The following ABHD16A variants were observed in gnomAD, a reference collection of about 807,000 sequenced individuals.
ABHD16A encodes phosphatidylserine lipase ABHD16A.
Under a neutral mutation model 89.8 loss-of-function variants are expected in ABHD16A, and 47 were observed. That is an observed-to-expected ratio of 0.52 (90% CI 0.41 to 0.67). ABHD16A has a LOEUF of 0.67. Among genes scored for constraint, ABHD16A ranks in the 30% least tolerant of loss-of-function variants. The pLI, the probability that ABHD16A is intolerant of heterozygous loss-of-function variation, is 0.00. For synonymous variants in ABHD16A, 251 were observed against 280.4 expected (o/e 0.90, Z 1.05); for missense variants, 580 against 734.6 (o/e 0.79, Z 2.43).
intron 5 of ABHD16A, among the ~76,000 whole-genome samples, 161 bp downstream of exon 5, chr6:31,696,787 G>A (rs1393203865): frequency 2.0e-5 from 3 of 152,212 alleles, no homozygotes; most frequent in African/African-American, 7.2e-5. Context: ...GTTCACTAAT[G>A]GAGGTGAGAA....
intron 4 of ABHD16A, 65 bp downstream of exon 4, chr6:31,700,877 G>C: frequency 2.9e-6 from 4 of 1,376,284 alleles, no homozygotes; most frequent in Non-Finnish European, 4.1e-6. Context: ...ATTTGCACAA[G>C]GTACTTAATT....
At chr6:31,689,448 G>T in intron 12 of ABHD16A, 133 bp downstream of exon 12, 1 of 1,295,464 alleles carries the variant, frequency 7.7e-7, no homozygotes. Flanking sequence ...GCTTCTTCCA[G>T]GCCCACTCAG....
chr6:31,690,139 G>C lies in ABHD16A; in HGVS notation c.908-12C>G, dbSNP rs201478181. The C allele has an allele frequency of 9.9e-5, 157 of 1,585,952 alleles. No individual in the cohort carries two copies. The highest frequency in any genetic ancestry group is 1.2e-4 in the Non-Finnish European group (145 of 1,166,454). ...GACTGAATATCCAGCTGTAACACAG[G>C]GGGAGGAGGGACTGAGACCTTGTGG... On this transcript the variant is annotated splice_polypyrimidine_tract_variant and intron_variant, in intron 10 of 19. Transcript: ENST00000395952. This position sits in a 1 kb window ranked among gnomAD's most constrained non-coding sequence, Gnocchi z 4.1.
At position 31,688,704 on chromosome 6, in the gene ABHD16A, G is replaced by T; in HGVS notation, c.1250+19C>A. On this transcript the variant is annotated intron_variant, in intron 14 of 19. Transcript: ENST00000395952. This position sits in a 1 kb window ranked among gnomAD's most constrained non-coding sequence, Gnocchi z 4.9. The stretch of plus-strand genomic sequence containing the variant: ...TATGGGGGGCAGGTGTTCAATGCCG[G>T]ACGCTGGCCGGCCCTCACCTGCACA... 6.2e-7 allele frequency: 1 copy of T among 1,612,682 alleles called. No individual in the cohort carries two copies. The highest frequency in any genetic ancestry group is 1.3e-5 in the African/African-American group (1 of 75,052).
In ABHD16A at chr6:31,687,925, T is replaced by A; in HGVS notation, c.1371-25A>T. On this transcript the variant is annotated intron_variant, in intron 16 of 19. Coordinates refer to ENST00000395952, the MANE Select transcript of ABHD16A (RefSeq NM_021160.3). This position sits in a 1 kb window ranked among gnomAD's most constrained non-coding sequence, Gnocchi z 6.3. Reference sequence around the variant, plus strand: ...CCTACGGAGGAAGTGCCAGGACAGGTCAGGGCTGATTTTTTTTCATTCACC... The same window carrying A: ...CCTACGGAGGAAGTGCCAGGACAGGACAGGGCTGATTTTTTTTCATTCACC... 1 of 1,612,642 alleles carries A rather than the reference T, an allele frequency of 6.2e-7. No homozygotes were observed. The highest frequency in any genetic ancestry group is 8.5e-7 in the Non-Finnish European group (1 of 1,179,988).
At position 31,693,482 on chromosome 6, in the gene ABHD16A, C is replaced by G. The variant is rs760492082; in HGVS notation, c.430-50G>C. The G allele has an allele frequency of 1.3e-6, 2 of 1,566,912 alleles. No homozygotes were observed. Among genetic ancestry groups the G allele is most frequent in the Non-Finnish European group, 1.8e-6 (2 of 1,141,042 alleles). The stretch of plus-strand genomic sequence containing the variant: ...GGGTACTGAGAACTCAGGGGAGGCT[C>G]TCCTACCCACCCTCAACAACACCTT... On this transcript the variant is annotated intron_variant, in intron 5 of 19. Transcript: ENST00000395952. The surrounding 1 kb of genome is among the most constrained non-coding windows in gnomAD (Gnocchi z 5.0).
chr6:31,695,526 C>A (rs948585499), intron 5 of ABHD16A, among the ~76,000 whole-genome samples: 5 of 150,992 alleles, frequency 3.3e-5, no homozygotes, highest in African/African-American at 4.9e-5. Context: ...GAGTTTGAGA[C>A]CAGCCTGACC....
chr6:31,687,556 A>C lies in ABHD16A; in HGVS notation c.1547-12T>G. On this transcript the variant is annotated splice_polypyrimidine_tract_variant and intron_variant, in intron 18 of 19. Coordinates refer to ENST00000395952, the MANE Select transcript of ABHD16A (RefSeq NM_021160.3). This position sits in a 1 kb window ranked among gnomAD's most constrained non-coding sequence, Gnocchi z 6.3. ...ACTCATGTCCTCCCCTGCAGAGAGG[A>C]GGCGCTCAAAATAGGCCACACATCT... 6.2e-7 allele frequency: 1 copy of C among 1,612,956 alleles called. No individual in the cohort carries two copies. The highest frequency in any genetic ancestry group is 1.1e-5 in the South Asian group (1 of 91,072).
At position 31,690,796 on chromosome 6, in the gene ABHD16A, C is replaced by T. The variant is rs545895707; in HGVS notation, c.844-194G>A. Among the ~76,000 whole-genome samples the T allele has an allele frequency of 2.6e-5, 4 of 152,290 alleles. No homozygotes were observed. Among genetic ancestry groups the T allele is most frequent in the Admixed American group, 2.6e-4 (4 of 15,300 alleles). ...AGAAGCAAAGGGATTACAAATACTC[C>T]TCAGAGGCTGACCTGCTCGACCACC... On this transcript the variant is annotated intron_variant, in intron 9 of 19. Coordinates refer to ENST00000395952, the MANE Select transcript of ABHD16A (RefSeq NM_021160.3). The surrounding 1 kb of genome is among the most constrained non-coding windows in gnomAD (Gnocchi z 4.1).
chr6:31,694,043 G>A (rs1277233975), intron 5 of ABHD16A, among the ~76,000 whole-genome samples: 1 of 149,790 alleles, frequency 6.7e-6, no homozygotes, highest in African/African-American at 2.5e-5. Flanking sequence ...ACCCCACTGA[G>A]CCAGTCCACA....
chr6:31,696,338 A>G (rs1224620289), intron 5 of ABHD16A, among the ~76,000 whole-genome samples: 16 of 151,164 alleles, frequency 1.1e-4, no homozygotes, highest in Non-Finnish European at 1.8e-4. Flanking sequence ...CAAAGAAGAA[A>G]AAAAAAAAAA....
chr6:31,694,345 C>T (rs1485658450), intron 5 of ABHD16A, among the ~76,000 whole-genome samples: 1 of 151,472 alleles, frequency 6.6e-6, no homozygotes, highest in Admixed American at 6.6e-5. Flanking sequence ...GCATGAACCA[C>T]CTCACCAGCT....
In ABHD16A at chr6:31,690,344, A is replaced by ATAAT. The variant is rs1237086320; in HGVS notation, c.907+191_907+194dup. ...GGGGGAATGGAACAGAATGAAAAGCATAATAGCTAGGGACACAGGCCAGGG... is the reference window on the plus strand; with the variant it reads ...GGGGGAATGGAACAGAATGAAAAGCATAATTAATAGCTAGGGACACAGGCCAGGG... On this transcript the variant is annotated intron_variant, in intron 10 of 19. Transcript: ENST00000395952. The surrounding 1 kb of genome is among the most constrained non-coding windows in gnomAD (Gnocchi z 4.1). The ATAAT allele has an allele frequency of 1.4e-6, 1 of 694,518 alleles. No homozygotes were observed. The highest frequency in any genetic ancestry group is 1.8e-5 in the African/African-American group (1 of 55,650). 43.0% of individuals were successfully genotyped at this position (694,518 alleles called of 1,614,324 possible). A position where few individuals can be genotyped will look rare whatever the true frequency, so the allele number is the denominator to read the frequency against.
chr6:31,700,028 A>G (rs1208346045), intron 4 of ABHD16A, among the ~76,000 whole-genome samples: 1 of 152,158 alleles, frequency 6.6e-6, no homozygotes, highest in African/African-American at 2.4e-5. Flanking sequence ...GATTACAGGC[A>G]TGAGCCACTG....
At chr6:31,695,365 T>C (rs1310507589) in intron 5 of ABHD16A, among the ~76,000 whole-genome samples, 1 of 152,210 alleles carries the variant, frequency 6.6e-6, no homozygotes, top group Non-Finnish European at 1.5e-5. Flanking sequence ...TGGTATTCAA[T>C]GCATACAACA....
Position 31,687,720 on chromosome 6 carries a change from C to T in ABHD16A, c.1468G>A (p.Glu490Lys). ...GACAGACACCAGTCCTCTTCCACCT[C>T]CCATCGGCTATAAATTGAGGCTGGT... The part of the protein sequence containing the change: ...LEEASIYSRW[E>K]VEEDWCLSVL... The change falls in exon 18 of 20, where the codon GAG becomes AAG. Residue 490 changes from glutamate to lysine, a missense_variant. By Grantham distance (56) the Glu-to-Lys change is moderately conservative. This residue lies in a region of ABHD16A where 415 missense variants were observed against 568.8 expected (regional missense o/e 0.73). Transcript: ENST00000395952. This position sits in a 1 kb window ranked among gnomAD's most constrained non-coding sequence, Gnocchi z 6.3. The T allele has an allele frequency of 6.2e-7, 1 of 1,612,872 alleles. No homozygotes were observed. Among genetic ancestry groups the T allele is most frequent in the Non-Finnish European group, 8.5e-7 (1 of 1,179,908 alleles).
At chr6:31,689,155 G>A (rs554220316) in intron 12 of ABHD16A, 36 bp from the exon 13 acceptor site, 1 of 1,582,364 alleles carries the variant, frequency 6.3e-7, no homozygotes, top group Admixed American at 1.7e-5. Flanking sequence ...TAAGAACTGA[G>A]AAAGGCTCCT....
At position 31,687,863 on chromosome 6, in the gene ABHD16A, C is replaced by A; in HGVS notation, c.1408G>T (p.Val470Leu). The change falls in exon 17 of 20, where the codon GTG (valine) becomes TTG (leucine). Residue 470 changes from valine to leucine, a missense_variant. Around this residue, in one of 2 missense-constraint regions of ABHD16A, gnomAD observed 415 missense variants for 568.8 expected, o/e 0.73. Coordinates refer to ENST00000395952, the MANE Select transcript of ABHD16A (RefSeq NM_021160.3). The surrounding 1 kb of genome is among the most constrained non-coding windows in gnomAD (Gnocchi z 6.3). Reference sequence around the variant, plus strand: ...GAGGAGGCCTCCAACCACTGCCTCACCACTCGAAGACCCTCCTCTGCCATC... The same window carrying A: ...GAGGAGGCCTCCAACCACTGCCTCAACACTCGAAGACCCTCCTCTGCCATC... Reference protein sequence around the residue: ...RVMAEEGLRVVRQWLEASSQL... With the variant: ...RVMAEEGLRVLRQWLEASSQL... The A allele has an allele frequency of 6.2e-7, 1 of 1,613,004 alleles. No individual in the cohort carries two copies. Among genetic ancestry groups the A allele is most frequent in the South Asian group, 1.1e-5 (1 of 91,082 alleles).
intron 2 of ABHD16A, 126 bp from the exon 3 acceptor site, chr6:31,701,466 TG>T: frequency 3.9e-6 from 3 of 769,970 alleles, no homozygotes; most frequent in Non-Finnish European, 6.5e-6. Context: ...ATTTGGTGTA[TG>T]ACACCATGAA....
Sources: allele counts gnomAD v4.1 joint callset (sites outside exome capture counted in the v4.1 genomes callset), GRCh38; gene constraint gnomAD v4.1.1; regional missense constraint gnomAD v4.1.1; non-coding constraint Gnocchi (gnomAD v3.1); transcripts MANE v1.5; gene names NCBI Gene and HGNC (gene_info 2026-07-23, HGNC 2026-07-21).